The following C9orf43 variants were observed in gnomAD, a reference collection of about 807,000 sequenced individuals.
The protein encoded by C9orf43 is chromosome 9 open reading frame 43, also known as uncharacterized protein C9orf43.
Under a neutral mutation model 59.1 loss-of-function variants are expected in C9orf43, and 45 were observed. That is an observed-to-expected ratio of 0.76 (90% CI 0.60 to 0.98). The LOEUF (loss-of-function observed/expected upper bound fraction) is 0.98, where lower values mean the gene tolerates loss of function less well. Among genes scored for constraint, C9orf43 ranks in the 50% least tolerant of loss-of-function variants. C9orf43 has a pLI of 0.00. For missense variants in C9orf43, 533 were observed against 554.9 expected (o/e 0.96, Z 0.40); for synonymous variants, 203 against 196.8 (o/e 1.03, Z -0.26).
intron 5 of C9orf43, 117 bp from the exon 6 acceptor site, chr9:113,422,432 A>G: frequency 7.1e-7 from 1 of 1,402,840 alleles, no homozygotes; most frequent in Non-Finnish European, 9.7e-7. Flanking sequence ...TGTGGTCATC[A>G]TTCACAAATA....
intron 1 of C9orf43, 80 bp from the exon 2 acceptor site, chr9:113,413,365 A>T: frequency 7.8e-7 from 1 of 1,289,402 alleles, no homozygotes; most frequent in South Asian, 1.8e-5. Flanking sequence ...GAAATATTTT[A>T]TACTGTGAGT....
In C9orf43 at chr9:113,423,483, A is replaced by G. The variant is rs748114271; in HGVS notation, c.641A>G (p.Gln214Arg). The stretch of plus-strand genomic sequence containing the variant: ...TGGGCTCAATCCGAAGCGTTACCTC[A>G]GGATCTACTGAAGGAGTAAGTATCA... ...PLWAQSEALPQDLLKELLPGG... is the reference protein window; with the variant it reads ...PLWAQSEALPRDLLKELLPGG... Residue 214 changes from glutamine (Q) to arginine (R), a missense_variant, in exon 7 of 14, where the codon CAG (glutamine) becomes CGG (arginine). Physicochemically the swap from Gln to Arg is conservative, Grantham distance 43 (BLOSUM62 1). Coordinates refer to ENST00000374165, the MANE Select transcript of C9orf43 (RefSeq NM_001278629.2). 3.7e-6 allele frequency: 6 copies of G among 1,613,074 alleles called. No homozygotes were observed. In the Admixed American group the frequency reaches 1.0e-4, roughly 27 times the overall value.
rs1354923753 is a variant in C9orf43, at chr9:113,425,716, A to G, written c.1016A>G (p.His339Arg). ...CATAAACATCCAGTTACCACCGTTCATGACCGTCTCTATGGTAAGGGGAAT... is the reference window on the plus strand; with the variant it reads ...CATAAACATCCAGTTACCACCGTTCGTGACCGTCTCTATGGTAAGGGGAAT... Reference protein sequence around the residue: ...TSHKHPVTTVHDRLYGYRTLP... With the variant: ...TSHKHPVTTVRDRLYGYRTLP... Residue 339 changes from histidine to arginine, a missense_variant, in exon 11 of 14, where the codon CAT becomes CGT. Coordinates refer to ENST00000374165, the MANE Select transcript of C9orf43 (RefSeq NM_001278629.2). 2 of 1,613,646 alleles carry G rather than the reference A, an allele frequency of 1.2e-6. No homozygotes were observed. The highest frequency in any genetic ancestry group is 1.7e-6 in the Non-Finnish European group (2 of 1,179,538).
In C9orf43 at chr9:113,413,916, CTTTACAGCCTAT is replaced by C. The variant is rs764364793; in HGVS notation, c.287+24_287+35del. Reference sequence around the variant, plus strand: ...GCAGGTAAATTATCATGGAATCTTCCTTTACAGCCTATTGTCTCAAAATTCTGGATTATGATT... The same window carrying C: ...GCAGGTAAATTATCATGGAATCTTCCTGTCTCAAAATTCTGGATTATGATT... On this transcript the variant is annotated intron_variant, in intron 3 of 13. Coordinates refer to ENST00000374165, the MANE Select transcript of C9orf43 (RefSeq NM_001278629.2). 1.4e-5 allele frequency: 23 copies of C among 1,596,846 alleles called. No individual in the cohort carries two copies. The African/African-American group carries it at 2.8e-4, about 20-fold the overall frequency.
chr9:113,415,232 C>T (rs1366989469), intron 3 of C9orf43, among the ~76,000 whole-genome samples: 3 of 151,918 alleles, frequency 2.0e-5, no homozygotes, highest in African/African-American at 7.3e-5. Context: ...CAACCTCCAC[C>T]TCCTGGGTTC....
chr9:113,428,963 A>T lies in C9orf43; in HGVS notation c.1171A>T (p.Ser391Cys), dbSNP rs571162344. 6.2e-7 allele frequency: 1 copy of T among 1,613,054 alleles called. No individual in the cohort carries two copies. The highest frequency in any genetic ancestry group is 1.1e-5 in the South Asian group (1 of 91,058). ...DHADFHHSVK[S>C]PELYETEPTN... Reference sequence around the variant, plus strand: ...TGCGGATTTCCACCACAGTGTAAAAAGTAAGTTACTAGAGTAGAGGAACCT... The same window carrying T: ...TGCGGATTTCCACCACAGTGTAAAATGTAAGTTACTAGAGTAGAGGAACCT... Residue 391 changes from serine (S) to cysteine (C), a missense_variant and splice_region_variant, in exon 13 of 14, where the codon AGT becomes TGT. Physicochemically the swap from Ser to Cys is moderately radical, Grantham distance 112. Transcript: ENST00000374165.
intron 6 of C9orf43, among the ~76,000 whole-genome samples, chr9:113,422,915 C>G (rs1828639266): frequency 6.6e-6 from 1 of 152,152 alleles, no homozygotes; most frequent in East Asian, 1.9e-4. Context: ...AAGACCTGGG[C>G]TTCTAACTCT....
At chr9:113,420,967 T>C (rs1828540813) in intron 4 of C9orf43, 136 bp from the exon 5 acceptor site, 3 of 841,282 alleles carry the variant, frequency 3.6e-6, no homozygotes, top group Admixed American at 2.8e-5. Context: ...TTTGGGAGAA[T>C]ATTATGAAGA....
In C9orf43 at chr9:113,425,712, G is replaced by A. The variant is rs145109883; in HGVS notation, c.1012G>A (p.Val338Ile). The A allele has an allele frequency of 2.7e-5, 44 of 1,613,392 alleles. No individual in the cohort carries two copies. The Middle Eastern group carries it at 6.6e-4, about 24-fold the overall frequency. ...TTCACATAAACATCCAGTTACCACC[G>A]TTCATGACCGTCTCTATGGTAAGGG... is the stretch of plus-strand genomic sequence containing the variant. ...STSHKHPVTT[V>I]HDRLYGYRTL... is the part of the protein sequence containing the mutation. Residue 338 changes from valine (V) to isoleucine (I), a missense_variant, in exon 11 of 14, where the codon GTT (valine) becomes ATT (isoleucine). Physicochemically the swap from Val to Ile is conservative, Grantham distance 29 (BLOSUM62 3). Transcript: ENST00000374165.
chr9:113,429,505 G>C lies in C9orf43; in HGVS notation c.*119G>C, dbSNP rs1828914433. Reference sequence around the variant, plus strand: ...TAAGGGCAAGAGGAGAGGGGCTTCTGCTCTCTGGAGCCTTTACCAGGGCCT... The same window carrying C: ...TAAGGGCAAGAGGAGAGGGGCTTCTCCTCTCTGGAGCCTTTACCAGGGCCT... On this transcript the variant is annotated 3_prime_UTR_variant, in exon 14 of 14. Coordinates refer to ENST00000374165, the MANE Select transcript of C9orf43 (RefSeq NM_001278629.2). 13 of 767,898 alleles carry C rather than the reference G, an allele frequency of 1.7e-5. No individual in the cohort carries two copies. Among genetic ancestry groups the C allele is most frequent in the Non-Finnish European group, 2.5e-5 (12 of 471,656 alleles). The allele number at this position is 767,898 out of a possible 1,614,324, so 47.6% of individuals were successfully genotyped here. A position where few individuals can be genotyped will look rare whatever the true frequency, so the allele number is the denominator to read the frequency against.
rs1287200262 is a variant in C9orf43, at chr9:113,429,326, T to C, written c.1326T>C (p.Leu442=). 9.9e-6 allele frequency: 16 copies of C among 1,614,056 alleles called. No individual in the cohort carries two copies. Among genetic ancestry groups the C allele is most frequent in the Non-Finnish European group, 1.3e-5 (15 of 1,180,036 alleles). The change falls in exon 14 of 14, where the codon CTT becomes CTC. Residue 442 remains leucine (L), a synonymous_variant. Transcript: ENST00000374165. ...STGWNSELKL[L]RILQDTDDED... ...GCTGGAACTCTGAGCTCAAACTACT[T>C]AGGATTCTTCAGGACACTGATGATG...
In C9orf43 at chr9:113,428,974, A is replaced by G. The variant is rs765266859; in HGVS notation, c.1171+11A>G. The stretch of plus-strand genomic sequence containing the variant: ...ACCACAGTGTAAAAAGTAAGTTACT[A>G]GAGTAGAGGAACCTTAGTAAGTGAC... On this transcript the variant is annotated intron_variant, in intron 13 of 13. Coordinates refer to ENST00000374165, the MANE Select transcript of C9orf43 (RefSeq NM_001278629.2). The G allele has an allele frequency of 1.2e-6, 2 of 1,609,780 alleles. No individual in the cohort carries two copies. The highest frequency in any genetic ancestry group is 1.7e-5 in the Admixed American group (1 of 60,022).
In C9orf43 at chr9:113,411,130, A is replaced by T. The variant is rs941762886; in HGVS notation, c.-50+129A>T. The T allele has an allele frequency of 2.2e-5, 22 of 985,244 alleles. No homozygotes were observed. The South Asian group carries it at 1.0e-3, about 46-fold the overall frequency. 61.0% of individuals were successfully genotyped at this position (985,244 alleles called of 1,614,324 possible). A position where few individuals can be genotyped will look rare whatever the true frequency, so the allele number is the denominator to read the frequency against. ...GATTAGGTCTCAGGAGTCAATTCGG[A>T]CTGGGCAGGTAACGAAAGGGCGAGA... On this transcript the variant is annotated intron_variant, in intron 1 of 13. Transcript: ENST00000374165.
Position 113,429,565 on chromosome 9 carries a change from C to T in C9orf43, c.*179C>T. 1.7e-6 allele frequency: 1 copy of T among 584,314 alleles called. No individual in the cohort carries two copies. The highest frequency in any genetic ancestry group is 2.8e-5 in the East Asian group (1 of 35,616). 36.2% of individuals were successfully genotyped at this position (584,314 alleles called of 1,614,324 possible). The stretch of plus-strand genomic sequence containing the variant: ...GCTTAGGGATTCCATTTTCTTTGTT[C>T]ACCTCTACTTGCCTCTAAAATAAAT... On this transcript the variant is annotated 3_prime_UTR_variant, in exon 14 of 14. Coordinates refer to ENST00000374165, the MANE Select transcript of C9orf43 (RefSeq NM_001278629.2).
intron 11 of C9orf43, among the ~76,000 whole-genome samples, chr9:113,426,352 A>G (rs1828791555): frequency 6.6e-6 from 1 of 152,178 alleles, no homozygotes; most frequent in Admixed American, 6.5e-5. Flanking sequence ...TCAGGCATAT[A>G]CTTACCCCTA....
intron 4 of C9orf43, among the ~76,000 whole-genome samples, chr9:113,420,393 TTTAAG>T (rs1251842026): frequency 5.9e-5 from 9 of 152,210 alleles, no homozygotes; most frequent in Non-Finnish European, 1.2e-4. Context: ...ATTAAATTAT[TTTAAG>T]TTAATTATTT....
chr9:113,417,738 C>T (rs1000730909), intron 3 of C9orf43, among the ~76,000 whole-genome samples: 4 of 152,048 alleles, frequency 2.6e-5, no homozygotes, highest in Non-Finnish European at 5.9e-5. Flanking sequence ...GGCTTGGAGG[C>T]AAGAGGAAAT....
At position 113,425,436 on chromosome 9, in the gene C9orf43, G is replaced by A. The variant is rs759015558; in HGVS notation, c.942+16G>A. The stretch of plus-strand genomic sequence containing the variant: ...TAAGAAACAGGTAGAGTGGCAGTGA[G>A]GGGCTTGCTGGGACTGGGAGAGGTC... On this transcript the variant is annotated intron_variant, in intron 10 of 13. Transcript: ENST00000374165. The A allele has an allele frequency of 1.9e-6, 3 of 1,607,486 alleles. No homozygotes were observed. The highest frequency in any genetic ancestry group is 2.5e-6 in the Non-Finnish European group (3 of 1,176,580).
At chr9:113,426,525 G>A (rs1828798709) in intron 11 of C9orf43, among the ~76,000 whole-genome samples, 1 of 152,158 alleles carries the variant, frequency 6.6e-6, no homozygotes, top group South Asian at 2.1e-4. Context: ...CTGGGGCACT[G>A]GGAGGGCTGA....
Sources: gnomAD v4.1 joint callset for allele counts (sites outside exome capture counted in the v4.1 genomes callset) on GRCh38, gnomAD v4.1.1 for gene constraint, MANE v1.5 for transcripts, NCBI Gene and HGNC (gene_info 2026-07-23, HGNC 2026-07-21) for gene names.